The following SLC30A7 variants were observed in gnomAD, a reference collection of about 807,000 sequenced individuals.
SLC30A7 encodes the protein zinc transporter 7.
SLC30A7 carries 35 observed loss-of-function variants against 46.0 expected under a neutral mutation model. The observed-to-expected ratio is 0.76, with a 90% CI of 0.58 to 1.01. The LOEUF (loss-of-function observed/expected upper bound fraction) is 1.01. Among genes scored for constraint, SLC30A7 ranks in the 50% least tolerant of loss-of-function variants. The pLI, the probability that SLC30A7 is intolerant of heterozygous loss-of-function variation, is 0.00. For missense variants in SLC30A7, 464 were observed against 451.1 expected (o/e 1.03, Z -0.26); for synonymous variants, 147 against 157.8 (o/e 0.93, Z 0.51).
At chr1:100,914,352 C>G (rs1268814814) in intron 6 of SLC30A7, among the ~76,000 whole-genome samples, 1 of 152,088 alleles carries the variant, frequency 6.6e-6, no homozygotes, top group Non-Finnish European at 1.5e-5. Flanking sequence ...CCCTCAAATG[C>G]CACTATTTTA....
rs1023239999 is a variant in SLC30A7, at chr1:100,980,021, C to T, written c.*5164C>T. The T allele has an allele frequency of 1.3e-5, 2 of 152,104 alleles. No individual in the cohort carries two copies. Among genetic ancestry groups the T allele is most frequent in the Non-Finnish European group, 2.9e-5 (2 of 67,980 alleles). 9.4% of individuals were successfully genotyped at this position (152,104 alleles called of 1,614,324 possible). ...CTTCCAGTGCCCTTATGATTATTTC[C>T]TACCTTTACCATTGATCTTAAACTG... On this transcript the variant is annotated 3_prime_UTR_variant, in exon 11 of 11. Transcript: ENST00000357650.
At chr1:100,973,273 A>G (rs1322416412) in intron 10 of SLC30A7, among the ~76,000 whole-genome samples, 1 of 152,112 alleles carries the variant, frequency 6.6e-6, no homozygotes, top group African/African-American at 2.4e-5. Flanking sequence ...TACTGTAAGA[A>G]GGTAGTGCTA....
At chr1:100,938,905 T>C (rs1654149124) in intron 8 of SLC30A7, among the ~76,000 whole-genome samples, 1 of 152,132 alleles carries the variant, frequency 6.6e-6, no homozygotes, top group South Asian at 2.1e-4. Flanking sequence ...CATGGGTATA[T>C]TGCACCCAGG....
In SLC30A7 at chr1:100,975,103, T is replaced by G. The variant is rs1656393497; in HGVS notation, c.*246T>G. ...GCTCTTTCCTCCAAATCTTTTTGAC[T>G]TCTGAGGTTTTTAGCTTAGGATGTT... On this transcript the variant is annotated 3_prime_UTR_variant, in exon 11 of 11. Coordinates refer to ENST00000357650, the MANE Select transcript of SLC30A7 (RefSeq NM_133496.5). 1 of 362,794 alleles carries G rather than the reference T, an allele frequency of 2.8e-6. No individual in the cohort carries two copies. The highest frequency in any genetic ancestry group is 1.5e-4 in the South Asian group (1 of 6,864). 22.5% of individuals were successfully genotyped at this position (362,794 alleles called of 1,614,324 possible).
At chr1:100,923,308 G>A (rs1481650120) in intron 8 of SLC30A7, among the ~76,000 whole-genome samples, 1 of 106,096 alleles carries the variant, frequency 9.4e-6, no homozygotes, top group African/African-American at 3.6e-5. Flanking sequence ...GAGCCACCGC[G>A]CCCAGCCTAG....
At chr1:100,993,408 G>A in the SLC30A7 span, among the ~76,000 whole-genome samples, 26 of 150,788 alleles carry the variant, frequency 1.7e-4, no homozygotes, top group Non-Finnish European at 7.4e-5. Flanking sequence ...AAAAATTAGC[G>A]TGGCTTGGTG....
chr1:100,905,428 T>G (rs1227618015), intron 2 of SLC30A7, among the ~76,000 whole-genome samples: 1 of 152,134 alleles, frequency 6.6e-6, no homozygotes, highest in African/African-American at 2.4e-5. Flanking sequence ...GATCTGTGAT[T>G]TATTTTCTTT....
intron 2 of SLC30A7, among the ~76,000 whole-genome samples, chr1:100,903,414 G>A (rs1218647287): frequency 1.3e-5 from 2 of 151,948 alleles, no homozygotes; most frequent in Non-Finnish European, 2.9e-5. Flanking sequence ...AGATGTTATG[G>A]TTCAAGTGTG....
At chr1:100,921,664 A>C (rs1487919225) in intron 7 of SLC30A7, 42 bp from the exon 8 acceptor site, 2 of 1,527,542 alleles carry the variant, frequency 1.3e-6, no homozygotes, top group Non-Finnish European at 1.8e-6. Context: ...ATTTTAAATT[A>C]ACCAAAAGAC....
chr1:100,973,732 G>A (rs1481285907), intron 10 of SLC30A7, among the ~76,000 whole-genome samples: 2 of 152,078 alleles, frequency 1.3e-5, no homozygotes, highest in African/African-American at 4.8e-5. Flanking sequence ...TAGCAGAGAA[G>A]ACTGAGAAAG....
chr1:100,985,521 C>T (rs1287525589), downstream of SLC30A7, among the ~76,000 whole-genome samples: 1 of 152,090 alleles, frequency 6.6e-6, no homozygotes, highest in Non-Finnish European at 1.5e-5. Context: ...TAAGACTTAC[C>T]ATAAAGCTAA....
In SLC30A7 at chr1:100,974,926, T is replaced by C. The variant is rs1656377255; in HGVS notation, c.*69T>C. ...TGGTACTGTACGATCCAAAACATTG[T>C]ACCCAGCTTTTTAAAAGAGAGAAAT... On this transcript the variant is annotated 3_prime_UTR_variant, in exon 11 of 11. Coordinates refer to ENST00000357650, the MANE Select transcript of SLC30A7 (RefSeq NM_133496.5). The C allele has an allele frequency of 1.5e-6, 2 of 1,291,358 alleles. No individual in the cohort carries two copies. Among genetic ancestry groups the C allele is most frequent in the Non-Finnish European group, 2.2e-6 (2 of 921,734 alleles). 80.0% of individuals were successfully genotyped at this position (1,291,358 alleles called of 1,614,324 possible).
At chr1:100,961,660 T>G (rs1655559830) in intron 8 of SLC30A7, among the ~76,000 whole-genome samples, 168 bp from the exon 9 acceptor site, 1 of 152,222 alleles carries the variant, frequency 6.6e-6, no homozygotes, top group Non-Finnish European at 1.5e-5. Context: ...TTCAGATAAT[T>G]TACTGATCAC....
At chr1:100,915,450 C>T (rs2101024079) in intron 6 of SLC30A7, among the ~76,000 whole-genome samples, 2 of 152,190 alleles carry the variant, frequency 1.3e-5, no homozygotes, top group South Asian at 4.1e-4. Context: ...CTTCCTCCAA[C>T]CACTGGCAAC....
chr1:100,912,594 C>T (rs1035436040), intron 5 of SLC30A7, among the ~76,000 whole-genome samples: 2 of 152,056 alleles, frequency 1.3e-5, no homozygotes, highest in Non-Finnish European at 2.9e-5. Flanking sequence ...GAGGCCAAGG[C>T]AGATGGATCA....
At chr1:100,970,102 G>A (rs1348301962) in intron 10 of SLC30A7, among the ~76,000 whole-genome samples, 1 of 151,924 alleles carries the variant, frequency 6.6e-6, no homozygotes, top group Non-Finnish European at 1.5e-5. Context: ...GATGCTTCAG[G>A]TGTATTTCTT....
At chr1:100,899,911 CT>C (rs1477361873) in intron 2 of SLC30A7, among the ~76,000 whole-genome samples, 1 of 151,328 alleles carries the variant, frequency 6.6e-6, no homozygotes, top group Non-Finnish European at 1.5e-5. Context: ...CAAATGTAGT[CT>C]TTATTCCACT....
At chr1:100,969,879 G>A (rs1656060738) in intron 10 of SLC30A7, among the ~76,000 whole-genome samples, 1 of 152,090 alleles carries the variant, frequency 6.6e-6, no homozygotes. Flanking sequence ...GACTTATGCA[G>A]ATTGAAATTT....
At chr1:100,970,359 TA>T (rs1272297505) in intron 10 of SLC30A7, among the ~76,000 whole-genome samples, 3 of 152,160 alleles carry the variant, frequency 2.0e-5, no homozygotes, top group Non-Finnish European at 4.4e-5. Context: ...ATTTGGTTAA[TA>T]AAACTATAGT....
Sources: allele counts gnomAD v4.1 joint callset (sites outside exome capture counted in the v4.1 genomes callset), GRCh38; gene constraint gnomAD v4.1.1; transcripts MANE v1.5; gene names NCBI Gene and HGNC (gene_info 2026-07-23, HGNC 2026-07-21).